ZNF280D: variants seen among roughly 807,000 people sequenced by gnomAD.
ZNF280D encodes zinc finger protein 280D.
Under a neutral mutation model 94.7 loss-of-function variants are expected in ZNF280D, and 39 were observed. That is an observed-to-expected ratio of 0.41 (90% CI 0.32 to 0.54). The LOEUF (loss-of-function observed/expected upper bound fraction) is 0.54. ZNF280D is among the 20% of genes least tolerant of loss of function. ZNF280D has a pLI of 0.22. For synonymous variants in ZNF280D, 398 were observed against 377.6 expected, an observed-to-expected ratio of 1.05 and a Z score of -0.63; for missense variants, 1,090 against 1,149.3, an observed-to-expected ratio of 0.95 and a Z score of 0.75.
intron 4 of ZNF280D, among the ~76,000 whole-genome samples, chr15:56,702,912 C>G (rs1190336125): frequency 5.7e-4 from 1 of 1,768 alleles, no homozygotes; most frequent in Non-Finnish European, 6.0e-3. Flanking sequence ...GGTAAGTAAA[C>G]ACACACACAC....
At chr15:56,640,680 A>G (rs946671012) in intron 20 of ZNF280D, among the ~76,000 whole-genome samples, 1 of 152,096 alleles carries the variant, frequency 6.6e-6, no homozygotes, top group African/African-American at 2.4e-5. Context: ...TGACAATCAT[A>G]AAAAAATGTT....
At chr15:56,699,326 A>T (rs1378436267) in intron 6 of ZNF280D, 1 of 922,106 alleles carries the variant, frequency 1.1e-6, no homozygotes, top group East Asian at 1.2e-4. Context: ...AAGCAAATAT[A>T]GCTCACACCT....
At chr15:56,725,223 T>C (rs937892869) in intron 1 of ZNF280D, among the ~76,000 whole-genome samples, 12 of 151,828 alleles carry the variant, frequency 7.9e-5, no homozygotes, top group African/African-American at 2.4e-4. Context: ...AAAATGCGTA[T>C]CAACTCAAAG....
chr15:56,663,281 CAAAA>C (rs59183252), intron 16 of ZNF280D, among the ~76,000 whole-genome samples: 1 of 102,492 alleles, frequency 9.8e-6, no homozygotes, highest in Admixed American at 1.1e-4. Flanking sequence ...GACCCTTTCT[CAAAA>C]AAAAAAAAAA....
At chr15:56,674,732 G>A (rs1438789707) in intron 13 of ZNF280D, among the ~76,000 whole-genome samples, 1 of 151,406 alleles carries the variant, frequency 6.6e-6, no homozygotes, top group Admixed American at 6.6e-5. Context: ...AGTAATTAGT[G>A]TATGTTAACT....
intron 1 of ZNF280D, among the ~76,000 whole-genome samples, chr15:56,712,036 T>C (rs1244719023): frequency 1.3e-5 from 2 of 152,328 alleles, no homozygotes; most frequent in Non-Finnish European, 2.9e-5. Flanking sequence ...TATAATGCAG[T>C]CTGTCCTTGA....
intron 1 of ZNF280D, among the ~76,000 whole-genome samples, chr15:56,712,178 T>C (rs2057793233): frequency 6.6e-6 from 1 of 152,208 alleles, no homozygotes; most frequent in South Asian, 2.1e-4. Flanking sequence ...AAAAAAGCAT[T>C]TCTAAACTAA....
chr15:56,645,759 C>T (rs1259820619), intron 19 of ZNF280D, among the ~76,000 whole-genome samples: 10 of 152,098 alleles, frequency 6.6e-5, no homozygotes, highest in Admixed American at 4.6e-4. Context: ...ATTGGTCAGG[C>T]TGGTCTCGAA....
Position 56,666,510 on chromosome 15 carries a change from T to C in ZNF280D, c.1879A>G (p.Ile627Val), listed in dbSNP as rs1219872719. The change falls in exon 16 of 22, where the codon ATT becomes GTT. Residue 627 changes from isoleucine (I) to valine (V), a missense_variant. Transcript: ENST00000267807. Reference sequence around the variant, plus strand: ...TCTTTTATTTCGGAACAACACTCAATGCATTTGTGAATGCCCCGACGATAC... The same window carrying C: ...TCTTTTATTTCGGAACAACACTCAACGCATTTGTGAATGCCCCGACGATAC... ...LRYRRGIHKC[I>V]ECCSEIKDFA... The C allele has an allele frequency of 1.3e-6, 2 of 1,597,766 alleles. No homozygotes were observed. The highest frequency in any genetic ancestry group is 2.3e-5 in the South Asian group (2 of 87,170).
Position 56,722,880 on chromosome 15 carries a change from A to C in ZNF280D, c.-86+10578T>G, listed in dbSNP as rs537449507. On this transcript the variant is annotated intron_variant, in intron 1 of 21. Coordinates refer to ENST00000267807, the MANE Select transcript of ZNF280D (RefSeq NM_017661.4). The stretch of plus-strand genomic sequence containing the variant: ...TAAGAAAATGTGGCACATATACACC[A>C]TGGAATACTATGCAGCCATAAAAAA... Among the ~76,000 whole-genome samples, 1,296 of 151,908 alleles carry C rather than the reference A, an allele frequency of 8.5e-3. 12 individuals carry two copies. The highest frequency in any genetic ancestry group is 0.03 in the African/African-American group (1,236 of 41,454).
chr15:56,654,124 T>C, intron 19 of ZNF280D, 74 bp downstream of exon 19: 2 of 1,561,710 alleles, frequency 1.3e-6, no homozygotes, highest in Non-Finnish European at 1.7e-6. Flanking sequence ...TCATTCGTAT[T>C]AATGATACAT....
At chr15:56,647,812 T>C (rs1488699532) in intron 19 of ZNF280D, among the ~76,000 whole-genome samples, 1 of 152,204 alleles carries the variant, frequency 6.6e-6, no homozygotes, top group Non-Finnish European at 1.5e-5. Flanking sequence ...GTTACAGGTG[T>C]GAGCTACCAC....
intron 1 of ZNF280D, among the ~76,000 whole-genome samples, chr15:56,709,363 A>G (rs4774888): frequency 0.94 from 139,820 of 148,348 alleles, 66,159 homozygotes; most frequent in East Asian, 1. Context: ...GAAACAACAG[A>G]TGCTAGAGAG....
At chr15:56,672,329 CTCT>C (rs369188868) in intron 13 of ZNF280D, among the ~76,000 whole-genome samples, 3 of 151,958 alleles carry the variant, frequency 2.0e-5, no homozygotes, top group Admixed American at 1.3e-4. Context: ...TCATATATGG[CTCT>C]TATTATTTTG....
chr15:56,669,924 AT>A lies in ZNF280D; in HGVS notation c.1411-968del, dbSNP rs1487645659. Among the ~76,000 whole-genome samples the A allele has an allele frequency of 9.1e-3, 61 of 6,688 alleles. 7 individuals are homozygous for A. The highest frequency in any genetic ancestry group is 0.037 in the East Asian group (2 of 54). 4.4% of individuals were successfully genotyped at this position (6,688 alleles called of 152,430 possible). ...TATAATATATATATATTATATATATATTATATATATATTATATATATATATT... is the reference window on the plus strand; with the variant it reads ...TATAATATATATATATTATATATATATATATATATATTATATATATATATT... On this transcript the variant is annotated intron_variant, in intron 13 of 21. Transcript: ENST00000267807.
In ZNF280D at chr15:56,642,979, G is replaced by T. The variant is rs749543431; in HGVS notation, c.2232C>A (p.Pro744=). 4 of 1,505,268 alleles carry T rather than the reference G, an allele frequency of 2.7e-6. No homozygotes were observed. Among genetic ancestry groups the T allele is most frequent in the Middle Eastern group, 1.8e-4 (1 of 5,542 alleles). The allele number at this position is 1,505,268 out of a possible 1,614,324, so 93.2% of individuals were successfully genotyped here. A position where few individuals can be genotyped will look rare whatever the true frequency, so the allele number is the denominator to read the frequency against. ...EHLSELKKEA[P]AKEQEPVSKE... ...TAGACACAGGTTCTTGTTCCTTTGCGGGAGCTTCTTTTTTTAATCTTGAAA... is the reference window on the plus strand; with the variant it reads ...TAGACACAGGTTCTTGTTCCTTTGCTGGAGCTTCTTTTTTTAATCTTGAAA... Residue 744 remains proline (P), a synonymous_variant, in exon 20 of 22, where the codon CCC becomes CCA. Coordinates refer to ENST00000267807, the MANE Select transcript of ZNF280D (RefSeq NM_017661.4).
At chr15:56,703,305 G>A (rs2057196758) in intron 4 of ZNF280D, among the ~76,000 whole-genome samples, 1 of 152,254 alleles carries the variant, frequency 6.6e-6, no homozygotes, top group Middle Eastern at 3.4e-3. Flanking sequence ...ATATAAAAAG[G>A]AGTTGCTGGA....
rs1230732979 is a variant in ZNF280D at position 56,704,158 on chromosome 15, A to G, written c.138T>C (p.Phe46=). The G allele has an allele frequency of 5.0e-6, 8 of 1,613,738 alleles. No individual in the cohort carries two copies. In the African/African-American group the frequency reaches 6.7e-5, roughly 13 times the overall value. Residue 46 remains phenylalanine, a synonymous_variant, in exon 4 of 22, where the codon TTT becomes TTC. Transcript: ENST00000267807. ...VEDDDDDEPI[F]VGEISSSKPA... is the part of the protein sequence containing the mutation. ...GTTTTGAACTTGATATCTCGCCAAC[A>G]AAGATTGGCTCATCATCATCGTCAT...
intron 1 of ZNF280D, among the ~76,000 whole-genome samples, chr15:56,708,079 A>C (rs1049694234): frequency 6.6e-6 from 1 of 152,174 alleles, no homozygotes; most frequent in Non-Finnish European, 1.5e-5. Context: ...AAAAACGTCA[A>C]CAATTAAACA....
Sources: gnomAD v4.1 joint callset for allele counts (sites outside exome capture counted in the v4.1 genomes callset) on GRCh38, gnomAD v4.1.1 for gene constraint, MANE v1.5 for transcripts, NCBI Gene and HGNC (gene_info 2026-07-23, HGNC 2026-07-21) for gene names.